The following CPNE4 variants were observed in gnomAD, a reference collection of about 807,000 sequenced individuals.
The protein encoded by CPNE4 is copine-4.
Under a neutral mutation model 67.9 loss-of-function variants are expected in CPNE4, and 25 were observed. The observed-to-expected ratio is 0.37, with a 90% CI of 0.27 to 0.51. The LOEUF (loss-of-function observed/expected upper bound fraction) is 0.51. CPNE4 is among the 20% of genes least tolerant of loss of function. The pLI is 0.93. For missense variants in CPNE4, 464 were observed against 690.8 expected (o/e 0.67, Z 3.68); for synonymous variants, 242 against 244.9 (o/e 0.99, Z 0.11).
chr3:131,974,791 T>G (rs959918642), intron 1 of CPNE4, among the ~76,000 whole-genome samples: 1 of 152,114 alleles, frequency 6.6e-6, no homozygotes, highest in Non-Finnish European at 1.5e-5. Flanking sequence ...GTGGATTGCT[T>G]GAGCTCAGGA....
intron 1 of CPNE4, among the ~76,000 whole-genome samples, chr3:131,989,923 A>G (rs1467584000): frequency 1.5e-5 from 2 of 136,114 alleles, no homozygotes; most frequent in African/African-American, 4.9e-5. Context: ...GCTTAAATGT[A>G]ACGCATGGGC....
At chr3:131,879,119 T>G (rs1272206541) in intron 2 of CPNE4, among the ~76,000 whole-genome samples, 3 of 151,330 alleles carry the variant, frequency 2.0e-5, no homozygotes, top group Non-Finnish European at 4.4e-5. Flanking sequence ...CATAAGGGTG[T>G]GTGTGTGTGC....
At chr3:131,767,819 C>T (rs1347506453) in intron 2 of CPNE4, among the ~76,000 whole-genome samples, 3 of 151,716 alleles carry the variant, frequency 2.0e-5, no homozygotes, top group Non-Finnish European at 1.5e-5. Context: ...AGGAAAAACA[C>T]ATTTTGAGTG....
chr3:131,611,514 A>G (rs1280742375), intron 7 of CPNE4, among the ~76,000 whole-genome samples: 1 of 152,180 alleles, frequency 6.6e-6, no homozygotes, highest in East Asian at 1.9e-4. Context: ...TAAAGTCCCT[A>G]TAAGTGTTGG....
intron 1 of CPNE4, among the ~76,000 whole-genome samples, chr3:131,944,111 C>T (rs1376911793): frequency 6.6e-6 from 1 of 152,138 alleles, no homozygotes; most frequent in Non-Finnish European, 1.5e-5. Flanking sequence ...GTCATCAGCA[C>T]TAAAAATGTT....
intron 1 of CPNE4, among the ~76,000 whole-genome samples, chr3:132,030,470 T>C (rs546449506): frequency 2.1e-4 from 32 of 152,222 alleles, no homozygotes; most frequent in Non-Finnish European, 3.2e-4. Flanking sequence ...CTGATCACAG[T>C]TTAGAGATGA....
chr3:131,727,187 A>T (rs925898035), intron 2 of CPNE4, among the ~76,000 whole-genome samples: 3 of 152,232 alleles, frequency 2.0e-5, no homozygotes, highest in African/African-American at 7.2e-5. Context: ...CAAAGTCTGG[A>T]CTACTTTCCT....
intron 1 of CPNE4, among the ~76,000 whole-genome samples, chr3:132,015,531 C>CA (rs2073872025): frequency 7.1e-6 from 1 of 140,400 alleles, no homozygotes; most frequent in African/African-American, 2.6e-5. Context: ...ACACACACAC[C>CA]CAACACATAT....
At chr3:131,826,133 TG>T (rs2085149266) in intron 2 of CPNE4, among the ~76,000 whole-genome samples, 1 of 152,228 alleles carries the variant, frequency 6.6e-6, no homozygotes, top group Admixed American at 6.5e-5. Context: ...ACCCTGTAAA[TG>T]TAGACACATA....
At chr3:131,955,407 A>C (rs1202095388) in intron 1 of CPNE4, among the ~76,000 whole-genome samples, 1 of 56,532 alleles carries the variant, frequency 1.8e-5, no homozygotes, top group Non-Finnish European at 3.9e-5. Context: ...TATTGTATGT[A>C]AGGTTTTTTT....
intron 6 of CPNE4, among the ~76,000 whole-genome samples, chr3:131,678,922 G>A (rs966977532): frequency 1.3e-5 from 2 of 152,126 alleles, no homozygotes; most frequent in African/African-American, 4.8e-5. Flanking sequence ...GCCAGCTTTT[G>A]TTATCAGGAT....
At chr3:131,656,606 A>G (rs1298095516) in intron 7 of CPNE4, among the ~76,000 whole-genome samples, 1 of 152,234 alleles carries the variant, frequency 6.6e-6, no homozygotes, top group Non-Finnish European at 1.5e-5. Context: ...AGAATCTACT[A>G]TATGCCAAGC....
chr3:131,634,204 A>G (rs2079315043), intron 7 of CPNE4, among the ~76,000 whole-genome samples: 1 of 152,208 alleles, frequency 6.6e-6, no homozygotes, highest in African/African-American at 2.4e-5. Context: ...CTTCACTCCC[A>G]ACATGCATAC....
intron 1 of CPNE4, among the ~76,000 whole-genome samples, chr3:131,948,734 G>A (rs1047306825): frequency 3.3e-5 from 5 of 151,982 alleles, no homozygotes; most frequent in Non-Finnish European, 5.9e-5. Flanking sequence ...TCACTTTTTT[G>A]GAAAAGCATT....
intron 5 of CPNE4, 74 bp from the exon 6 acceptor site, chr3:131,686,032 A>G (rs2080880777): frequency 2.5e-6 from 2 of 809,894 alleles, no homozygotes; most frequent in African/African-American, 1.7e-5. Context: ...AGGAATATTT[A>G]ATCAACAGGA....
chr3:131,797,028 A>G (rs1051936387), intron 2 of CPNE4, among the ~76,000 whole-genome samples: 2 of 152,184 alleles, frequency 1.3e-5, no homozygotes, highest in Non-Finnish European at 2.9e-5. Context: ...ACCTCTAGAC[A>G]TGTCTTCACT....
chr3:132,021,650 C>CTACA (rs1486262201), intron 1 of CPNE4, among the ~76,000 whole-genome samples: 1 of 152,068 alleles, frequency 6.6e-6, no homozygotes, highest in Admixed American at 6.6e-5. Context: ...GACACATGTG[C>CTACA]TACAGATTGC....
chr3:131,580,988 A>G (rs1937792722), intron 9 of CPNE4, among the ~76,000 whole-genome samples: 1 of 152,096 alleles, frequency 6.6e-6, no homozygotes, highest in Non-Finnish European at 1.5e-5. Context: ...CCTGGCTAAC[A>G]TGGTGAAACC....
At chr3:131,616,972 A>G (rs1187926696) in intron 7 of CPNE4, among the ~76,000 whole-genome samples, 1 of 152,152 alleles carries the variant, frequency 6.6e-6, no homozygotes, top group Non-Finnish European at 1.5e-5. Flanking sequence ...TGCTGCTAAC[A>G]AGCACAGCTG....
Sources: gnomAD v4.1 joint callset for allele counts (sites outside exome capture counted in the v4.1 genomes callset) on GRCh38, gnomAD v4.1.1 for gene constraint, MANE v1.5 for transcripts, NCBI Gene and HGNC (gene_info 2026-07-23, HGNC 2026-07-21) for gene names.